TMPRSS15: variants seen among roughly 807,000 people sequenced by gnomAD.
The protein encoded by TMPRSS15 is enteropeptidase.
In TMPRSS15, 128 loss-of-function variants were observed where a neutral mutation model predicts 125.3. That is an observed-to-expected ratio of 1.02 (90% CI 0.89 to 1.18). The LOEUF is 1.18. Ranked by LOEUF, TMPRSS15 falls within the 50% of genes most tolerant of loss-of-function variation. The probability of loss-of-function intolerance (pLI) is 0.00; values close to 1 mark genes in which losing one functional copy is unlikely to be tolerated. For synonymous variants in TMPRSS15, 446 were observed against 423.2 expected, an observed-to-expected ratio of 1.05 and a Z score of -0.66; for missense variants, 1,283 against 1,212.7, an observed-to-expected ratio of 1.06 and a Z score of -0.86.
intron 21 of TMPRSS15, among the ~76,000 whole-genome samples, chr21:18,289,857 A>G (rs559156412): frequency 6.6e-6 from 1 of 152,312 alleles, no homozygotes; most frequent in East Asian, 1.9e-4. Context: ...TAATGGAGAA[A>G]CTTTTTGGGT....
At chr21:18,283,487 C>T (rs59799920) in intron 21 of TMPRSS15, among the ~76,000 whole-genome samples, 6,339 of 151,726 alleles carry the variant, frequency 0.042, 435 homozygotes, top group African/African-American at 0.14. Flanking sequence ...ACATCATATT[C>T]TCTGTTATAT....
intron 16 of TMPRSS15, among the ~76,000 whole-genome samples, chr21:18,317,279 T>G (rs1484342968): frequency 6.6e-6 from 1 of 151,966 alleles, no homozygotes; most frequent in African/African-American, 2.4e-5. Flanking sequence ...ATTACACTTC[T>G]AAAGAGAGGG....
chr21:18,441,361 C>A (rs2076241055), intron 1 of TMPRSS15, among the ~76,000 whole-genome samples: 1 of 151,894 alleles, frequency 6.6e-6, no homozygotes, highest in African/African-American at 2.4e-5. Context: ...AATCCCAGCA[C>A]TTTGGGAGGC....
intron 8 of TMPRSS15, among the ~76,000 whole-genome samples, chr21:18,357,061 G>A (rs898040037): frequency 6.6e-6 from 1 of 151,822 alleles, no homozygotes; most frequent in African/African-American, 2.4e-5. Flanking sequence ...CGTTTTCAGT[G>A]TGCTAACCTA....
intron 8 of TMPRSS15, 103 bp downstream of exon 8, chr21:18,359,654 C>T: frequency 3.5e-6 from 2 of 574,778 alleles, no homozygotes; most frequent in Non-Finnish European, 6.3e-6. Context: ...TTATAAGTTT[C>T]AAGTCCATAT....
chr21:18,401,111 A>T (rs1306292347), intron 1 of TMPRSS15, among the ~76,000 whole-genome samples: 1 of 152,184 alleles, frequency 6.6e-6, no homozygotes, highest in Non-Finnish European at 1.5e-5. Flanking sequence ...AGAAACAGGA[A>T]TACTTATACA....
chr21:18,395,054 TTA>T (rs1569054453), intron 3 of TMPRSS15, among the ~76,000 whole-genome samples: 2 of 152,140 alleles, frequency 1.3e-5, no homozygotes. Flanking sequence ...AACGAACACT[TTA>T]ACCTACACAA....
chr21:18,378,188 T>A (rs2075861524), intron 5 of TMPRSS15, among the ~76,000 whole-genome samples: 1 of 152,132 alleles, frequency 6.6e-6, no homozygotes, highest in African/African-American at 2.4e-5. Flanking sequence ...TCAGTTTATT[T>A]TTAAACCAAA....
chr21:18,403,757 TGTAA>T lies in TMPRSS15; in HGVS notation c.-139_-136del, dbSNP rs2076119873. ...ACCTGTCTACATGCATACCAGTCAG[TGTAA>T]GTGAGTTGTGTATGTCTCTTTGGCA... On this transcript the variant is annotated 5_prime_UTR_variant, in exon 1 of 25. Transcript: ENST00000284885. The T allele has an allele frequency of 1.8e-6, 2 of 1,087,634 alleles. No individual in the cohort carries two copies. The highest frequency in any genetic ancestry group is 1.6e-5 in the African/African-American group (1 of 63,602). The allele number at this position is 1,087,634 out of a possible 1,614,324, so 67.4% of individuals were successfully genotyped here.
chr21:18,341,282 G>A, intron 13 of TMPRSS15, 131 bp downstream of exon 13: 1 of 1,069,704 alleles, frequency 9.3e-7, no homozygotes, highest in Non-Finnish European at 1.4e-6. Flanking sequence ...TAATCCTCAG[G>A]CTGGTCTCAA....
Position 18,313,073 on chromosome 21 carries a change from A to T in TMPRSS15, c.2037T>A (p.Arg679=). 6.2e-7 allele frequency: 1 copy of T among 1,613,168 alleles called. No individual in the cohort carries two copies. The highest frequency in any genetic ancestry group is 8.5e-7 in the Non-Finnish European group (1 of 1,179,222). The change falls in exon 18 of 25, where the codon CGT becomes CGA. Residue 679 remains arginine (R), a synonymous_variant. Coordinates refer to ENST00000284885, the MANE Select transcript of TMPRSS15 (RefSeq NM_002772.3). The part of the protein sequence containing the change: ...EDGSDEADCV[R]FFNGTTNNNG... ...TGTTGTTCGTTGTGCCATTGAAAAA[A>T]CGCACTAAAGACACAGAGAGCATAA...
intron 1 of TMPRSS15, among the ~76,000 whole-genome samples, chr21:18,450,161 G>A (rs1043835298): frequency 7.9e-5 from 12 of 151,916 alleles, no homozygotes; most frequent in Non-Finnish European, 1.6e-4. Flanking sequence ...TATATACAAG[G>A]CAAATTAGTT....
intron 1 of TMPRSS15, among the ~76,000 whole-genome samples, chr21:18,414,096 T>C (rs569405780): frequency 6.6e-6 from 1 of 152,346 alleles, no homozygotes; most frequent in East Asian, 1.9e-4. Flanking sequence ...TAATAGACTG[T>C]CATTAGAATG....
intron 16 of TMPRSS15, among the ~76,000 whole-genome samples, chr21:18,315,548 G>A (rs9979507): frequency 7.9e-4 from 2 of 2,536 alleles, no homozygotes; most frequent in African/African-American, 2.4e-3. Flanking sequence ...TCAAGGTGGA[G>A]CTAGCTTTGA....
rs2075714429 is a variant in TMPRSS15, at chr21:18,365,125, AAG to A, written c.773+13_773+14del. The stretch of plus-strand genomic sequence containing the variant: ...TTTATGACTTAAGAACAGAAAATAT[AAG>A]ATCTTGTATTACCGTATGATCCACT... On this transcript the variant is annotated intron_variant, in intron 7 of 24. Transcript: ENST00000284885. 1 of 1,598,800 alleles carries A rather than the reference AAG, an allele frequency of 6.3e-7. No individual in the cohort carries two copies. The highest frequency in any genetic ancestry group is 1.3e-5 in the African/African-American group (1 of 74,604).
At chr21:18,362,766 A>G (rs8131365) in intron 7 of TMPRSS15, among the ~76,000 whole-genome samples, 4,305 of 152,256 alleles carry the variant, frequency 0.028, 179 homozygotes, top group African/African-American at 0.095. Flanking sequence ...ATCATATTTA[A>G]TAATGACTTC....
At chr21:18,371,661 A>T (rs180955115) in intron 6 of TMPRSS15, among the ~76,000 whole-genome samples, 14 of 152,286 alleles carry the variant, frequency 9.2e-5, no homozygotes, top group Admixed American at 3.3e-4. Flanking sequence ...TTCATATCTT[A>T]TTTCTACTAT....
chr21:18,470,831 AC>A (rs1249437504), intron 1 of TMPRSS15, among the ~76,000 whole-genome samples: 1 of 152,058 alleles, frequency 6.6e-6, no homozygotes, highest in Non-Finnish European at 1.5e-5. Context: ...AGTATAAAAA[AC>A]TTTAAATTTA....
chr21:18,426,008 CTATT>C (rs751469503), intron 1 of TMPRSS15, among the ~76,000 whole-genome samples: 6 of 152,214 alleles, frequency 3.9e-5, no homozygotes, highest in Admixed American at 1.3e-4. Context: ...TTTTATTCAC[CTATT>C]TATTTGCTTC....
Sources: allele counts gnomAD v4.1 joint callset (sites outside exome capture counted in the v4.1 genomes callset), GRCh38; gene constraint gnomAD v4.1.1; transcripts MANE v1.5; gene names NCBI Gene and HGNC (gene_info 2026-07-23, HGNC 2026-07-21).